LINGO1: variants seen among roughly 807,000 people sequenced by gnomAD.
The protein encoded by LINGO1 is leucine rich repeat and Ig domain containing 1.
In LINGO1, 11 loss-of-function variants were observed where a neutral mutation model predicts 37.3. That is an observed-to-expected ratio of 0.29 (90% confidence interval 0.19 to 0.49). LINGO1 has a LOEUF of 0.49. Among genes scored for constraint, LINGO1 ranks in the 20% least tolerant of loss-of-function variants. The pLI is 0.99. For missense variants in LINGO1, 585 were observed against 878.2 expected (o/e 0.67, Z 4.22); for synonymous variants, 387 against 403.0 (o/e 0.96, Z 0.48).
chr15:77,614,496 T>C lies in LINGO1; in HGVS notation c.1411A>G (p.Asn471Asp). The C allele has an allele frequency of 6.2e-7, 1 of 1,610,606 alleles. No homozygotes were observed. Among genetic ancestry groups the C allele is most frequent in the Non-Finnish European group, 8.5e-7 (1 of 1,179,748 alleles). Reference sequence around the variant, plus strand: ...TCAGGGAAGACTGTGAGCCGCCCATTGCTCTTGGCTGAGACCAGGTGCTTT... The same window carrying C: ...TCAGGGAAGACTGTGAGCCGCCCATCGCTCTTGGCTGAGACCAGGTGCTTT... ...PRKHLVSAKS[N>D]GRLTVFPDGT... The change falls in exon 2 of 2, where the codon AAT (asparagine) becomes GAT (aspartate). Residue 471 changes from asparagine to aspartate, a missense_variant. Around this residue, in one of 4 missense-constraint regions of LINGO1, gnomAD observed 484 missense variants for 735.0 expected, o/e 0.66. Transcript: ENST00000355300.
At chr15:77,626,216 A>T (rs1336395839) in intron 1 of LINGO1, among the ~76,000 whole-genome samples, 1 of 152,060 alleles carries the variant, frequency 6.6e-6, no homozygotes, top group Non-Finnish European at 1.5e-5. Context: ...TCTCCCCAAC[A>T]TCATACAAGG....
At chr15:77,758,107 T>G (rs1013453004) in intron 1 of LINGO1, among the ~76,000 whole-genome samples, 8 of 152,150 alleles carry the variant, frequency 5.3e-5, no homozygotes, top group Non-Finnish European at 8.8e-5. Context: ...AATTTTTGTT[T>G]TAATGGTGGG....
At chr15:77,775,814 G>A (rs551017446) in intron 1 of LINGO1, among the ~76,000 whole-genome samples, 1 of 151,740 alleles carries the variant, frequency 6.6e-6, no homozygotes, top group South Asian at 2.1e-4. Context: ...GTTGGCCCTG[G>A]GCCATAAGCC....
intron 2 of LINGO1, among the ~76,000 whole-genome samples, chr15:77,728,120 C>T (rs2076120810): frequency 6.6e-6 from 1 of 152,254 alleles, no homozygotes; most frequent in African/African-American, 2.4e-5. Flanking sequence ...GGCCTCTTCC[C>T]TGACTGCCTG....
chr15:77,773,317 G>A (rs1447698566), intron 1 of LINGO1, among the ~76,000 whole-genome samples: 7 of 152,170 alleles, frequency 4.6e-5, no homozygotes, highest in African/African-American at 9.7e-5. Flanking sequence ...CAATTCCAGC[G>A]TTATAACAAT....
rs1414762142 is a variant in LINGO1, at chr15:77,615,527, C to T, written c.380G>A (p.Arg127His). The T allele has an allele frequency of 7.4e-6, 12 of 1,613,602 alleles. No individual in the cohort carries two copies. Among genetic ancestry groups the T allele is most frequent in the East Asian group, 4.5e-5 (2 of 44,890 alleles). ...NLFNLRTLGL[R>H]SNRLKLIPLG... is the part of the protein sequence containing the mutation. ...CGGGATGAGCTTCAGGCGGTTGCTG[C>T]GGAGACCCAGCGTCCGGAGGTTGAA... Residue 127 changes from arginine (R) to histidine (H), a missense_variant, in exon 2 of 2, where the codon CGC (arginine) becomes CAC (histidine). Physicochemically the swap from Arg to His is conservative, Grantham distance 29. This residue lies in a region of LINGO1 where 484 missense variants were observed against 735.0 expected (regional missense o/e 0.66). Coordinates refer to ENST00000355300, the MANE Select transcript of LINGO1 (RefSeq NM_032808.7).
upstream of LINGO1, among the ~76,000 whole-genome samples, chr15:77,634,506 G>A (rs968974711): frequency 2.0e-5 from 3 of 152,210 alleles, no homozygotes; most frequent in African/African-American, 7.2e-5. Flanking sequence ...CTGTGACAGA[G>A]GGAGGGAAGC....
chr15:77,697,162 C>T (rs912317617), upstream of LINGO1, among the ~76,000 whole-genome samples: 3 of 152,182 alleles, frequency 2.0e-5, no homozygotes, highest in African/African-American at 7.2e-5. Context: ...TGGTGCAGGG[C>T]TGTGTAGGGG....
chr15:77,692,201 TAA>T (rs2075616330), intron 1 of LINGO1, among the ~76,000 whole-genome samples: 1 of 152,190 alleles, frequency 6.6e-6, no homozygotes, highest in Non-Finnish European at 1.5e-5. Flanking sequence ...CTTGACAAAT[TAA>T]AAGTTAACTC....
chr15:77,772,463 G>A (rs143720332), intron 1 of LINGO1, among the ~76,000 whole-genome samples: 2 of 152,246 alleles, frequency 1.3e-5, no homozygotes, highest in Non-Finnish European at 2.9e-5. Context: ...CAGACGCTGC[G>A]GCTCAGAAGG....
chr15:77,720,149 C>A (rs1162147302), intron 2 of LINGO1, among the ~76,000 whole-genome samples: 1 of 151,008 alleles, frequency 6.6e-6, no homozygotes, highest in Non-Finnish European at 1.5e-5. Context: ...CCCCACCCCA[C>A]CCCTCCACTC....
intron 2 of LINGO1, among the ~76,000 whole-genome samples, chr15:77,704,337 CCAACCA>C (rs1202926242): frequency 6.6e-5 from 10 of 152,198 alleles, no homozygotes; most frequent in African/African-American, 2.4e-4. Context: ...ATGCTGAGCT[CCAACCA>C]TGGCCACACA....
At chr15:77,790,809 C>G (rs534816395), upstream of LINGO1, among the ~76,000 whole-genome samples, 1 of 152,066 alleles carries the variant, frequency 6.6e-6, no homozygotes, top group Admixed American at 6.5e-5. Context: ...TCAGCTCAGT[C>G]AGTATAAGGA....
At chr15:77,682,593 CTT>C (rs2075435821) in intron 2 of LINGO1, among the ~76,000 whole-genome samples, 1 of 152,080 alleles carries the variant, frequency 6.6e-6, no homozygotes, top group South Asian at 2.1e-4. Context: ...AGAGTCCTCT[CTT>C]TCCCTCTTTC....
intron 1 of LINGO1, among the ~76,000 whole-genome samples, chr15:77,692,151 G>A (rs1483605475): frequency 6.6e-6 from 1 of 152,216 alleles, no homozygotes; most frequent in African/African-American, 2.4e-5. Flanking sequence ...AAACACATAT[G>A]TGCATCGTAC....
chr15:77,646,389 A>AGTCCTG, intron 3 of LINGO1: 1 of 450,782 alleles, frequency 2.2e-6, no homozygotes, highest in East Asian at 7.1e-5. Context: ...TCCCCACAGG[A>AGTCCTG]CACCCCTCTG....
intron 3 of LINGO1, among the ~76,000 whole-genome samples, chr15:77,671,325 G>C (rs1271350256): frequency 6.9e-6 from 1 of 144,876 alleles, no homozygotes; most frequent in Non-Finnish European, 1.5e-5. Flanking sequence ...GAGAGAAGGA[G>C]AGGGATAGGG....
Position 77,718,349 on chromosome 15 carries a change from C to T in LINGO1, c.-195+16643G>A, listed in dbSNP as rs1186352441. On this transcript the variant is annotated intron_variant, in intron 2 of 3. Coordinates refer to the LINGO1 transcript ENST00000561686. ...CATACCCACGCCCATCCCATGTATA[C>T]AGAGGAGCATGCCCACGCATGGCTG... is the stretch of plus-strand genomic sequence containing the variant. Among the ~76,000 whole-genome samples, 7 of 151,030 alleles carry T rather than the reference C, an allele frequency of 4.6e-5. 1 individual carries two copies. Among genetic ancestry groups the T allele is most frequent in the African/African-American group, 1.2e-4 (5 of 41,394 alleles).
chr15:77,779,599 G>A (rs2076695232), intron 1 of LINGO1, among the ~76,000 whole-genome samples: 1 of 151,982 alleles, frequency 6.6e-6, no homozygotes, highest in Non-Finnish European at 1.5e-5. Context: ...TTCACAATAG[G>A]GTTCTCGCTC....
Sources: allele counts gnomAD v4.1 joint callset (sites outside exome capture counted in the v4.1 genomes callset), GRCh38; gene constraint gnomAD v4.1.1; regional missense constraint gnomAD v4.1.1; transcripts MANE v1.5; gene names NCBI Gene and HGNC (gene_info 2026-07-23, HGNC 2026-07-21).